HSD17B6: variants seen among roughly 807,000 people sequenced by gnomAD.
HSD17B6 encodes hydroxysteroid 17-beta dehydrogenase 6, also known as 17-beta-hydroxysteroid dehydrogenase type 6.
Under a neutral mutation model 26.4 loss-of-function variants are expected in HSD17B6, and 16 were observed. That is an observed-to-expected ratio of 0.61 (90% confidence interval 0.41 to 0.92). HSD17B6 has a LOEUF of 0.92. HSD17B6 is among the 40% of genes least tolerant of loss of function. HSD17B6 has a pLI of 0.00. For synonymous variants in HSD17B6, 139 were observed against 153.0 expected, an observed-to-expected ratio of 0.91 and a Z score of 0.68; for missense variants, 357 against 386.1, an observed-to-expected ratio of 0.92 and a Z score of 0.63.
chr12:56,769,478 A>G (rs1954422796), intron 1 of HSD17B6, among the ~76,000 whole-genome samples: 1 of 152,192 alleles, frequency 6.6e-6, no homozygotes, highest in Non-Finnish European at 1.5e-5. Flanking sequence ...CCTGAAATAA[A>G]CAGTGGAAGT....
At chr12:56,783,171 G>A (rs567914214) in intron 3 of HSD17B6, among the ~76,000 whole-genome samples, 15 of 151,820 alleles carry the variant, frequency 9.9e-5, no homozygotes, top group South Asian at 4.1e-4. Context: ...CCTCCCAGAC[G>A]GGGTGGTGGC....
intron 2 of HSD17B6, among the ~76,000 whole-genome samples, chr12:56,776,487 T>C (rs1177012757): frequency 6.6e-6 from 1 of 151,762 alleles, no homozygotes; most frequent in Non-Finnish European, 1.5e-5. Context: ...ATTTTTTTTC[T>C]TTTAGAGACG....
intron 1 of HSD17B6, among the ~76,000 whole-genome samples, chr12:56,765,343 G>A (rs1007830670): frequency 2.6e-5 from 4 of 151,888 alleles, no homozygotes; most frequent in South Asian, 2.1e-4. Flanking sequence ...GGCTAAGGCC[G>A]GAGGATCGCT....
chr12:56,779,281 T>G (rs1481523925), intron 2 of HSD17B6, among the ~76,000 whole-genome samples: 1 of 152,092 alleles, frequency 6.6e-6, no homozygotes, highest in African/African-American at 2.4e-5. Context: ...ATTTCAGGTG[T>G]GCACCACCAC....
At chr12:56,781,120 A>AG (rs1491479698) in intron 2 of HSD17B6, among the ~76,000 whole-genome samples, 11 of 152,096 alleles carry the variant, frequency 7.2e-5, no homozygotes, top group Non-Finnish European at 1.5e-4. Context: ...CATTTCAAAC[A>AG]GGGGGGCTTC....
chr12:56,786,629 C>G (rs557328203), intron 4 of HSD17B6, among the ~76,000 whole-genome samples: 1 of 152,142 alleles, frequency 6.6e-6, no homozygotes, highest in Non-Finnish European at 1.5e-5. Flanking sequence ...GTGGGAGGAT[C>G]GCTTGAGCCC....
chr12:56,773,307 CAT>C (rs796896520), intron 1 of HSD17B6, among the ~76,000 whole-genome samples: 5 of 152,318 alleles, frequency 3.3e-5, no homozygotes, highest in African/African-American at 1.2e-4. Context: ...CTTCTAGTAG[CAT>C]ACTCTGTCCA....
chr12:56,773,748 T>C, intron 1 of HSD17B6, 86 bp from the exon 2 acceptor site: 2 of 1,250,726 alleles, frequency 1.6e-6, no homozygotes, highest in East Asian at 2.5e-5. Flanking sequence ...TATCACCTAG[T>C]GCAATGCCTG....
chr12:56,783,766 C>T (rs1156665014), intron 3 of HSD17B6, among the ~76,000 whole-genome samples: 16 of 137,652 alleles, frequency 1.2e-4, no homozygotes, highest in Middle Eastern at 4.9e-3. Flanking sequence ...TAGGGGCGGC[C>T]GGGCAGAGGC....
At chr12:56,777,036 A>G (rs918372856) in intron 2 of HSD17B6, among the ~76,000 whole-genome samples, 1 of 152,112 alleles carries the variant, frequency 6.6e-6, no homozygotes, top group Non-Finnish European at 1.5e-5. Context: ...GATTCTGGTA[A>G]TTGGATCTCC....
chr12:56,766,305 C>T (rs1456284781), intron 1 of HSD17B6, among the ~76,000 whole-genome samples: 3 of 152,116 alleles, frequency 2.0e-5, no homozygotes, highest in South Asian at 2.1e-4. Context: ...TTCACTGGGA[C>T]GCGTGTGACA....
At chr12:56,766,691 A>G (rs1207751952) in intron 1 of HSD17B6, among the ~76,000 whole-genome samples, 1 of 152,104 alleles carries the variant, frequency 6.6e-6, no homozygotes, top group Non-Finnish European at 1.5e-5. Context: ...CCCTATGTGG[A>G]TGAGAGGGGA....
chr12:56,783,368 A>T (rs1305941695), intron 3 of HSD17B6, among the ~76,000 whole-genome samples: 1 of 117,568 alleles, frequency 8.5e-6, no homozygotes, highest in African/African-American at 3.3e-5. Flanking sequence ...CAGGGGGCTG[A>T]GCCCCCCACC....
chr12:56,784,681 G>GGGAGAA (rs1192826012), intron 3 of HSD17B6, among the ~76,000 whole-genome samples, 172 bp from the exon 4 acceptor site: 1 of 152,140 alleles, frequency 6.6e-6, no homozygotes, highest in African/African-American at 2.4e-5. Flanking sequence ...GAGAGGGAGA[G>GGGAGAA]GGAGACCGTG....
intron 3 of HSD17B6, among the ~76,000 whole-genome samples, chr12:56,783,386 C>T (rs1240863435): frequency 3.7e-5 from 5 of 136,398 alleles, no homozygotes; most frequent in Admixed American, 2.8e-4. Flanking sequence ...ACCTCCCTCC[C>T]GGACGGGGCG....
chr12:56,767,639 A>AATATATTAT, intron 1 of HSD17B6, among the ~76,000 whole-genome samples: 1 of 140,458 alleles, frequency 7.1e-6, no homozygotes, highest in South Asian at 2.2e-4. Context: ...ATATTATATT[A>AATATATTAT]ATATATTATA....
rs1954247392 is a variant in HSD17B6, at chr12:56,763,432, G to T, written c.-20+18G>T. Reference sequence around the variant, plus strand: ...CAAGTCCGGTATGTAGGTGGGTAAGGGTGGTTGTGTGTGTGTGTGTGTGTG... The same window carrying T: ...CAAGTCCGGTATGTAGGTGGGTAAGTGTGGTTGTGTGTGTGTGTGTGTGTG... On this transcript the variant is annotated intron_variant, in intron 1 of 4. Transcript: ENST00000322165. 1 of 141,596 alleles carries T rather than the reference G, an allele frequency of 7.1e-6. No individual in the cohort carries two copies. Among genetic ancestry groups the T allele is most frequent in the African/African-American group, 2.8e-5 (1 of 35,720 alleles). 8.8% of individuals were successfully genotyped at this position (141,596 alleles called of 1,614,324 possible). A position where few individuals can be genotyped will look rare whatever the true frequency, so the allele number is the denominator to read the frequency against.
intron 2 of HSD17B6, among the ~76,000 whole-genome samples, chr12:56,774,980 A>G (rs1954560054): frequency 6.6e-6 from 1 of 152,222 alleles, no homozygotes; most frequent in Admixed American, 6.5e-5. Flanking sequence ...GGGAATAATG[A>G]CAAGGAAAAA....
intron 1 of HSD17B6, among the ~76,000 whole-genome samples, chr12:56,768,975 A>T (rs1304412194): frequency 2.0e-5 from 3 of 151,536 alleles, no homozygotes; most frequent in Non-Finnish European, 4.4e-5. Context: ...AGAGGATTGC[A>T]GTAATAGAGA....
Sources: allele counts gnomAD v4.1 joint callset (sites outside exome capture counted in the v4.1 genomes callset), GRCh38; gene constraint gnomAD v4.1.1; transcripts MANE v1.5; gene names NCBI Gene and HGNC (gene_info 2026-07-23, HGNC 2026-07-21).